LRCH1: variants seen among roughly 807,000 people sequenced by gnomAD.
The protein encoded by LRCH1 is leucine-rich repeat and calponin homology domain-containing protein 1.
In LRCH1, 23 loss-of-function variants were observed where a neutral mutation model predicts 94.9. That is an observed-to-expected ratio of 0.24 (90% confidence interval 0.17 to 0.34). The LOEUF (loss-of-function observed/expected upper bound fraction) is 0.34, where lower values mean the gene tolerates loss of function less well. Among genes scored for constraint, LRCH1 ranks in the 10% least tolerant of loss-of-function variants. The pLI is 1.00. For synonymous variants in LRCH1, 364 were observed against 354.9 expected (o/e 1.03, Z -0.29); for missense variants, 790 against 945.9 (o/e 0.84, Z 2.16).
Position 46,744,487 on chromosome 13 carries a change from T to C in LRCH1, c.*2639T>C, listed in dbSNP as rs1873822468. On this transcript the variant is annotated 3_prime_UTR_variant, in exon 20 of 20. Coordinates refer to ENST00000389797, the MANE Select transcript of LRCH1 (RefSeq NM_001164211.2). ...TCTTTCCTATTTATGGATTTCTGGT[T>C]TGTTATTTTTAGGGAGAGACACTTA... 3 of 985,412 alleles carry C rather than the reference T, an allele frequency of 3.0e-6. No individual in the cohort carries two copies. The highest frequency in any genetic ancestry group is 2.4e-6 in the Non-Finnish European group (2 of 829,932). The allele number at this position is 985,412 out of a possible 1,614,324, so 61.0% of individuals were successfully genotyped here. A position where few individuals can be genotyped will look rare whatever the true frequency, so the allele number is the denominator to read the frequency against.
At chr13:46,671,147 A>C (rs1171700521) in intron 3 of LRCH1, among the ~76,000 whole-genome samples, 1 of 152,184 alleles carries the variant, frequency 6.6e-6, no homozygotes, top group African/African-American at 2.4e-5. Flanking sequence ...ACTTGTGCAC[A>C]CATCACTCTT....
At chr13:46,611,678 A>G (rs901429510) in intron 1 of LRCH1, among the ~76,000 whole-genome samples, 1 of 152,240 alleles carries the variant, frequency 6.6e-6, no homozygotes, top group African/African-American at 2.4e-5. Context: ...GCTATATTTC[A>G]AAGACTTAGT....
chr13:46,679,432 C>T (rs1367084454), intron 3 of LRCH1, among the ~76,000 whole-genome samples: 4 of 152,228 alleles, frequency 2.6e-5, no homozygotes, highest in Admixed American at 2.6e-4. Context: ...TCACTGTTCT[C>T]TTCTCCCATG....
intron 1 of LRCH1, among the ~76,000 whole-genome samples, chr13:46,612,193 C>T (rs1179991522): frequency 6.6e-6 from 1 of 152,162 alleles, no homozygotes; most frequent in Admixed American, 6.5e-5. Flanking sequence ...GCACATCCTG[C>T]ACATGTATCC....
Position 46,660,408 on chromosome 13 carries a change from C to CA in LRCH1, c.453-8612dup, listed in dbSNP as rs201027182. Among the ~76,000 whole-genome samples, 1,285 of 146,744 alleles carry CA rather than the reference C, an allele frequency of 8.8e-3. 25 individuals are homozygous for CA. The highest frequency in any genetic ancestry group is 0.054 in the Admixed American group (803 of 14,784). On this transcript the variant is annotated intron_variant, in intron 2 of 19. Coordinates refer to ENST00000389797, the MANE Select transcript of LRCH1 (RefSeq NM_001164211.2). ...TTTAAAAATACATGATCGGCCGTCTCAAAAAAAAAATGTATATATATATGA... is the reference window on the plus strand; with the variant it reads ...TTTAAAAATACATGATCGGCCGTCTCAAAAAAAAAAATGTATATATATATGA...
At chr13:46,712,469 G>A in intron 14 of LRCH1, 56 bp from the exon 15 acceptor site, 1 of 1,317,856 alleles carries the variant, frequency 7.6e-7, no homozygotes. Flanking sequence ...ACCATACATA[G>A]TTCTTCTGTT....
intron 3 of LRCH1, among the ~76,000 whole-genome samples, chr13:46,681,298 G>T (rs774143686): frequency 1.3e-5 from 2 of 152,342 alleles, no homozygotes; most frequent in Non-Finnish European, 2.9e-5. Context: ...TTAGAGGCAC[G>T]ATGGGATAGT....
intron 1 of LRCH1, among the ~76,000 whole-genome samples, chr13:46,646,371 C>T (rs2051221403): frequency 6.6e-6 from 1 of 152,146 alleles, no homozygotes; most frequent in South Asian, 2.1e-4. Context: ...TCTAAAGGCA[C>T]AGAAGTATCT....
intron 1 of LRCH1, among the ~76,000 whole-genome samples, chr13:46,578,549 A>G (rs1247019674): frequency 6.6e-6 from 1 of 152,218 alleles, no homozygotes; most frequent in East Asian, 1.9e-4. Context: ...GATGGTAAGA[A>G]CCAGCATTTC....
chr13:46,723,703 G>A (rs1872689232), intron 17 of LRCH1, among the ~76,000 whole-genome samples: 1 of 152,038 alleles, frequency 6.6e-6, no homozygotes, highest in South Asian at 2.1e-4. Flanking sequence ...GGGAGGCTGA[G>A]GTGGGAGGAT....
chr13:46,734,032 T>C, intron 19 of LRCH1, 34 bp downstream of exon 19: 1 of 1,233,212 alleles, frequency 8.1e-7, no homozygotes, highest in Non-Finnish European at 1.2e-6. Flanking sequence ...AACTGTGTTC[T>C]AGTAAAAATT....
At chr13:46,575,088 A>T (rs1456066255) in intron 1 of LRCH1, among the ~76,000 whole-genome samples, 3 of 152,116 alleles carry the variant, frequency 2.0e-5, no homozygotes, top group African/African-American at 7.2e-5. Context: ...ACTGGACAAG[A>T]ACCATCATCT....
intron 1 of LRCH1, among the ~76,000 whole-genome samples, chr13:46,602,116 G>C (rs1009114520): frequency 6.6e-6 from 1 of 152,136 alleles, no homozygotes; most frequent in Non-Finnish European, 1.5e-5. Flanking sequence ...ATTCTAGCTT[G>C]GTAACCTTGA....
chr13:46,628,645 A>C (rs1447545249), intron 1 of LRCH1, among the ~76,000 whole-genome samples: 1 of 138,262 alleles, frequency 7.2e-6, no homozygotes, highest in African/African-American at 2.8e-5. Flanking sequence ...CGACAGAGCG[A>C]TTCTCTGTCT....
intron 1 of LRCH1, among the ~76,000 whole-genome samples, chr13:46,559,223 T>A (rs1184009982): frequency 6.6e-6 from 1 of 152,264 alleles, no homozygotes; most frequent in African/African-American, 2.4e-5. Flanking sequence ...ATCACATGTG[T>A]TTCCTTAAAA....
chr13:46,704,561 C>T lies in LRCH1; in HGVS notation c.1401-507C>T, dbSNP rs112949566. On this transcript the variant is annotated intron_variant, in intron 11 of 19. Transcript: ENST00000389797. ...TCCTGGCTTTATAGGTCTTTAAGAA[C>T]AAAAAATCTTCATCTCTTAAAATAG... is the stretch of plus-strand genomic sequence containing the variant. Among the ~76,000 whole-genome samples, 640 of 151,934 alleles carry T rather than the reference C, an allele frequency of 4.2e-3. 6 individuals carry two copies. Among genetic ancestry groups the T allele is most frequent in the African/African-American group, 0.013 (521 of 41,470 alleles).
At chr13:46,575,091 C>A (rs2050288631) in intron 1 of LRCH1, among the ~76,000 whole-genome samples, 2 of 151,976 alleles carry the variant, frequency 1.3e-5, no homozygotes, top group African/African-American at 4.8e-5. Context: ...GGACAAGAAC[C>A]ATCATCTTTT....
At chr13:46,691,694 T>C (rs959230306) in intron 7 of LRCH1, among the ~76,000 whole-genome samples, 1 of 152,072 alleles carries the variant, frequency 6.6e-6, no homozygotes, top group African/African-American at 2.4e-5. Flanking sequence ...GCCATGCACT[T>C]TTTTTTGTTT....
chr13:46,705,559 G>C (rs1481581823), intron 13 of LRCH1: 1 of 620,574 alleles, frequency 1.6e-6, no homozygotes, highest in South Asian at 1.8e-5. Flanking sequence ...TTTTACCTCA[G>C]ATCATCTTGC....
Sources: gnomAD v4.1 joint callset for allele counts (sites outside exome capture counted in the v4.1 genomes callset) on GRCh38, gnomAD v4.1.1 for gene constraint, MANE v1.5 for transcripts, NCBI Gene and HGNC (gene_info 2026-07-23, HGNC 2026-07-21) for gene names.